SV2C: variants seen among roughly 807,000 people sequenced by gnomAD.
SV2C encodes the protein synaptic vesicle glycoprotein 2C, also known as solute carrier family 22 member B3.
SV2C carries 49 observed loss-of-function variants against 79.7 expected under a neutral mutation model. The ratio of observed to expected loss-of-function variants is 0.61; its 90% confidence interval spans 0.49 to 0.78. The LOEUF (loss-of-function observed/expected upper bound fraction) is 0.78. Ranked by LOEUF, SV2C falls within the 30% of genes least tolerant of loss-of-function variation. The pLI, the probability that SV2C is intolerant of heterozygous loss-of-function variation, is 0.00. For synonymous variants in SV2C, 334 were observed against 333.2 expected, an observed-to-expected ratio of 1.00 and a Z score of -0.03; for missense variants, 833 against 912.9, an observed-to-expected ratio of 0.91 and a Z score of 1.13.
the SV2C span, among the ~76,000 whole-genome samples, chr5:75,878,216 TC>T: frequency 6.6e-6 from 1 of 152,144 alleles, no homozygotes; most frequent in Admixed American, 6.6e-5. Flanking sequence ...AATACCAATA[TC>T]TAAGTTTCGT....
chr5:76,194,594 A>G (rs1432934389), intron 2 of SV2C, among the ~76,000 whole-genome samples: 8 of 152,208 alleles, frequency 5.3e-5, no homozygotes, highest in Non-Finnish European at 1.2e-4. Context: ...TATTCTCTGT[A>G]GTAACCCAGC....
chr5:75,935,920 T>C, the SV2C span, among the ~76,000 whole-genome samples: 1 of 152,150 alleles, frequency 6.6e-6, no homozygotes, highest in Non-Finnish European at 1.5e-5. Context: ...AAAACAGAAA[T>C]AAAAAGTTAT....
chr5:75,957,289 T>C, the SV2C span, among the ~76,000 whole-genome samples: 1 of 151,994 alleles, frequency 6.6e-6, no homozygotes, highest in South Asian at 2.1e-4. Flanking sequence ...GAAATGTTGG[T>C]TCCCAGTGTA....
At chr5:76,052,916 G>A in the SV2C span, among the ~76,000 whole-genome samples, 86,994 of 150,052 alleles carry the variant, frequency 0.58, 27,153 homozygotes, top group African/African-American at 0.81. Context: ...TTATATATTA[G>A]TATTATGTTA....
the SV2C span, among the ~76,000 whole-genome samples, chr5:75,969,951 A>G: frequency 1.2e-4 from 18 of 152,130 alleles, no homozygotes; most frequent in Admixed American, 9.8e-4. Context: ...AACGTAAAAG[A>G]ACAGAAATTA....
chr5:76,018,780 A>C, the SV2C span, among the ~76,000 whole-genome samples: 34 of 152,356 alleles, frequency 2.2e-4, no homozygotes, highest in African/African-American at 7.2e-4. Flanking sequence ...GTATTTGTTC[A>C]AGGAAAAGAA....
chr5:76,001,574 G>T, the SV2C span, among the ~76,000 whole-genome samples: 1 of 147,886 alleles, frequency 6.8e-6, no homozygotes, highest in South Asian at 2.1e-4. Flanking sequence ...GGGTGACAGA[G>T]CAAGACTCCA....
At chr5:76,240,878 C>T (rs1745762951) in intron 4 of SV2C, among the ~76,000 whole-genome samples, 1 of 152,208 alleles carries the variant, frequency 6.6e-6, no homozygotes, top group African/African-American at 2.4e-5. Flanking sequence ...AGTTATGACA[C>T]TACAGGCAGA....
the SV2C span, among the ~76,000 whole-genome samples, chr5:75,897,242 G>A: frequency 3.3e-5 from 5 of 150,968 alleles, no homozygotes; most frequent in African/African-American, 1.2e-4. Context: ...AATTAATTTT[G>A]TATAAGGTGT....
intron 4 of SV2C, among the ~76,000 whole-genome samples, chr5:76,279,046 T>C (rs890317699): frequency 5.9e-5 from 9 of 152,160 alleles, no homozygotes; most frequent in Middle Eastern, 3.4e-3. Context: ...GGATTGAACA[T>C]TGGGGATTGT....
At chr5:75,974,460 T>C in the SV2C span, among the ~76,000 whole-genome samples, 1 of 152,152 alleles carries the variant, frequency 6.6e-6, no homozygotes, top group Non-Finnish European at 1.5e-5. Flanking sequence ...GATACCATTA[T>C]CTCAGGTTGT....
At chr5:75,967,458 G>A in the SV2C span, among the ~76,000 whole-genome samples, 1 of 152,166 alleles carries the variant, frequency 6.6e-6, no homozygotes, top group Admixed American at 6.5e-5. Flanking sequence ...CTGGAAAATC[G>A]GGTCACTCTC....
At chr5:76,124,983 T>G (rs975115485) in intron 1 of SV2C, among the ~76,000 whole-genome samples, 1 of 152,216 alleles carries the variant, frequency 6.6e-6, no homozygotes, top group Admixed American at 6.5e-5. Flanking sequence ...AGTTTATATA[T>G]GCAAACAGGT....
the SV2C span, among the ~76,000 whole-genome samples, chr5:75,853,513 G>T: frequency 1.5e-5 from 2 of 130,384 alleles, no homozygotes; most frequent in East Asian, 2.4e-4. Flanking sequence ...CACAGATCGC[G>T]CCACTGCACT....
chr5:76,077,794 C>T, the SV2C span, among the ~76,000 whole-genome samples: 1 of 152,256 alleles, frequency 6.6e-6, no homozygotes, highest in South Asian at 2.1e-4. Flanking sequence ...GGGATAGGGT[C>T]CATGTGGATC....
At chr5:76,346,573 G>T (rs748104288) in intron 12 of SV2C, among the ~76,000 whole-genome samples, 12 of 152,294 alleles carry the variant, frequency 7.9e-5, no homozygotes, top group Admixed American at 3.9e-4. Flanking sequence ...CGTGGCAGTC[G>T]CTGCGGTCAG....
the SV2C span, among the ~76,000 whole-genome samples, chr5:75,912,837 A>G: frequency 9.9e-5 from 15 of 152,254 alleles, no homozygotes; most frequent in African/African-American, 3.6e-4. Flanking sequence ...GATAAATCCA[A>G]AGTAAGGTAC....
intron 1 of SV2C, among the ~76,000 whole-genome samples, chr5:76,128,452 C>A (rs1475386557): frequency 6.6e-6 from 1 of 152,018 alleles, no homozygotes; most frequent in South Asian, 2.1e-4. Context: ...GGAAGAAGGC[C>A]ACTGCATTTA....
chr5:75,940,237 A>T, the SV2C span, among the ~76,000 whole-genome samples: 4 of 152,068 alleles, frequency 2.6e-5, no homozygotes, highest in African/African-American at 9.7e-5. Flanking sequence ...GATGGTGTTC[A>T]CCTGTAGTCC....
Sources: allele counts gnomAD v4.1 joint callset (sites outside exome capture counted in the v4.1 genomes callset), GRCh38; gene constraint gnomAD v4.1.1; transcripts MANE v1.5; gene names NCBI Gene and HGNC (gene_info 2026-07-23, HGNC 2026-07-21).